Variants in ZNF571 observed in about 807,000 individuals in gnomAD.
ZNF571 encodes zinc finger protein 571.
Under a neutral mutation model 7.7 loss-of-function variants are expected in ZNF571, and 4 were observed. The observed-to-expected ratio is 0.52, with a 90% CI of 0.25 to 1.18. The LOEUF is 1.18. Ranked by LOEUF, ZNF571 falls within the 50% of genes most tolerant of loss-of-function variation. The pLI is 0.14. For synonymous variants in ZNF571, 251 were observed against 232.4 expected (o/e 1.08, Z -0.73); for missense variants, 704 against 726.9 (o/e 0.97, Z 0.36).
At chr19:37,590,416 C>CA (rs1468206022) in intron 1 of ZNF571, among the ~76,000 whole-genome samples, 1 of 138,114 alleles carries the variant, frequency 7.2e-6, no homozygotes, top group Non-Finnish European at 1.6e-5. Flanking sequence ...GGCTCCGTTT[C>CA]AAAAAAAAGA....
chr19:37,582,193 C>T (rs189604820), intron 3 of ZNF571, among the ~76,000 whole-genome samples: 4 of 152,276 alleles, frequency 2.6e-5, no homozygotes, highest in Admixed American at 2.0e-4. Context: ...TTCTTTCTCA[C>T]TCTCTTTTAA....
Position 37,565,034 on chromosome 19 carries a change from T to C in ZNF571, c.1394A>G (p.His465Arg), listed in dbSNP as rs763076083. 4 of 1,613,732 alleles carry C rather than the reference T, an allele frequency of 2.5e-6. No homozygotes were observed. Among genetic ancestry groups the C allele is most frequent in the Non-Finnish European group, 3.4e-6 (4 of 1,179,778 alleles). ...ATGTTTCTCACCATGAATTTTCTCA[T>C]GTTGAGTAAGATATGCAACACGAAT... ...AFIRVAYLTQ[H>R]EKIHGEKHYE... Residue 465 changes from histidine to arginine, a missense_variant, in exon 4 of 4, where the codon CAT becomes CGT. Transcript: ENST00000451802.
At chr19:37,574,677 C>A (rs1191045273) in intron 3 of ZNF571, among the ~76,000 whole-genome samples, 1 of 152,116 alleles carries the variant, frequency 6.6e-6, no homozygotes, top group African/African-American at 2.4e-5. Context: ...AACATAGCAC[C>A]AGTTTTAGTA....
At chr19:37,571,423 G>A (rs1369220973) in intron 3 of ZNF571, among the ~76,000 whole-genome samples, 1 of 150,874 alleles carries the variant, frequency 6.6e-6, no homozygotes, top group African/African-American at 2.4e-5. Flanking sequence ...CTGAACCCAG[G>A]AAGTGGAGGT....
At position 37,565,299 on chromosome 19, in the gene ZNF571, G is replaced by A; in HGVS notation, c.1129C>T (p.Gln377Ter). Reference protein sequence around the residue: ...ECGKTFFRGSQLTYHLRVHSG... With the variant: ...ECGKTFFRGS ...TGAACTCTCAGGTGGTAAGTAAGTT[G>A]TGAGCCACGAAAAAAGGTCTTCCCG... is the stretch of plus-strand genomic sequence containing the variant. The change falls in exon 4 of 4, where the codon CAA (glutamine) becomes TAA (stop). Residue 377 changes from glutamine to a stop codon, truncating the protein, a stop_gained. Coordinates refer to ENST00000451802, the MANE Select transcript of ZNF571 (RefSeq NM_016536.5). LOFTEE classifies it low-confidence loss of function (END_TRUNC). 1.2e-6 allele frequency: 2 copies of A among 1,610,954 alleles called. No individual in the cohort carries two copies. The highest frequency in any genetic ancestry group is 8.5e-7 in the Non-Finnish European group (1 of 1,178,592).
At chr19:37,566,526 G>A in intron 3 of ZNF571, 1 of 448,346 alleles carries the variant, frequency 2.2e-6, no homozygotes, top group Non-Finnish European at 3.9e-6. Context: ...CTCAAACTTT[G>A]GAATGGCTTA....
intron 2 of ZNF571, chr19:37,585,792 G>A (rs913856117): frequency 6.6e-6 from 1 of 152,190 alleles, no homozygotes; most frequent in African/African-American, 2.4e-5. Flanking sequence ...ATTAAATTAA[G>A]GATCTTGAGA....
At chr19:37,586,789 C>A in intron 1 of ZNF571, 44 bp from the exon 2 acceptor site, 2 of 1,156,332 alleles carry the variant, frequency 1.7e-6, no homozygotes, top group Non-Finnish European at 2.5e-6. Flanking sequence ...TGGCTCACAG[C>A]CCACAAAATA....
Position 37,564,764 on chromosome 19 carries a change from T to C in ZNF571, c.1664A>G (p.Glu555Gly), listed in dbSNP as rs1008817338. The change falls in exon 4 of 4, where the codon GAG (glutamate) becomes GGG (glycine). Residue 555 changes from glutamate (E) to glycine (G), a missense_variant. By Grantham distance (98) the Glu-to-Gly change is moderately conservative (BLOSUM62 -2). Coordinates refer to ENST00000451802, the MANE Select transcript of ZNF571 (RefSeq NM_016536.5). ...ACATTCCTTACATTCATAGGGTTTC[T>C]CTCCAGTATGAGTTCTCAGATGTTC... ...LTEHLRTHTG[E>G]KPYECKECGR... 5 of 1,613,714 alleles carry C rather than the reference T, an allele frequency of 3.1e-6. No homozygotes were observed. The African/African-American group carries it at 6.7e-5, about 22-fold the overall frequency.
chr19:37,568,286 G>A (rs1015611633), intron 3 of ZNF571, among the ~76,000 whole-genome samples: 3 of 150,238 alleles, frequency 2.0e-5, no homozygotes, highest in Non-Finnish European at 4.4e-5. Flanking sequence ...TTGCTGAAAA[G>A]CAAAAAGAAA....
chr19:37,584,331 G>A (rs1160764672), intron 2 of ZNF571, among the ~76,000 whole-genome samples: 1 of 152,164 alleles, frequency 6.6e-6, no homozygotes, highest in Non-Finnish European at 1.5e-5. Context: ...TAAAAAGCCA[G>A]ATGTGTGCAG....
intron 3 of ZNF571, among the ~76,000 whole-genome samples, chr19:37,574,090 G>A (rs1034457466): frequency 6.6e-6 from 1 of 152,066 alleles, no homozygotes; most frequent in Non-Finnish European, 1.5e-5. Flanking sequence ...TTCGTACCCT[G>A]AATGATGAAA....
rs186954235 is a variant in ZNF571 at position 37,582,563 on chromosome 19, A to G, written c.136+1408T>C. On this transcript the variant is annotated intron_variant, in intron 3 of 3. Transcript: ENST00000451802. ...GTTCCTCGGTACAGAGAGTAATCCC[A>G]TATTTATCTCTTCAGTCCTGACTAT... is the stretch of plus-strand genomic sequence containing the variant. 3.1e-3 allele frequency among the ~76,000 whole-genome samples: 470 copies of G among 152,262 alleles called. 1 individual carries two copies. The highest frequency in any genetic ancestry group is 9.3e-3 in the South Asian group (45 of 4,820).
chr19:37,589,946 A>G (rs1344791227), intron 1 of ZNF571, among the ~76,000 whole-genome samples: 1 of 151,562 alleles, frequency 6.6e-6, no homozygotes, highest in Non-Finnish European at 1.5e-5. Flanking sequence ...GGAACAATCT[A>G]CAAAATAACA....
chr19:37,568,122 TAACTGGATCAGCAGGCAC>T (rs1190258066), intron 3 of ZNF571, among the ~76,000 whole-genome samples: 1 of 152,144 alleles, frequency 6.6e-6, no homozygotes, highest in Non-Finnish European at 1.5e-5. Context: ...CTATCTGATG[TAACTGGATCAGCAGGCAC>T]AGGGTCTCTG....
intron 1 of ZNF571, chr19:37,594,455 T>G (rs552682960): frequency 6.6e-6 from 1 of 152,400 alleles, no homozygotes; most frequent in East Asian, 1.9e-4. Context: ...ATGGTGCCGA[T>G]TTTGTCCGCG....
rs2042784158 is a variant in ZNF571, at chr19:37,564,733, C to A, written c.1695G>T (p.Arg565Ser). The change falls in exon 4 of 4, where the codon AGG becomes AGT. Residue 565 changes from arginine to serine, a missense_variant. Physicochemically the swap from Arg to Ser is moderately radical, Grantham distance 110 (BLOSUM62 -1). Transcript: ENST00000451802. ...EKPYECKECG[R>S]AFSRGSELTL... ...TAAGTTCTGAGCCACGACTAAAGGC[C>A]CTCCCACATTCCTTACATTCATAGG... 4.3e-6 allele frequency: 7 copies of A among 1,613,556 alleles called. No homozygotes were observed. The highest frequency in any genetic ancestry group is 5.9e-6 in the Non-Finnish European group (7 of 1,179,642).
At chr19:37,567,592 A>G (rs1362758492) in intron 3 of ZNF571, 2 of 152,194 alleles carry the variant, frequency 1.3e-5, no homozygotes, top group Non-Finnish European at 2.9e-5. Flanking sequence ...AGTTCCAAGA[A>G]CATGTCAAAT....
intron 3 of ZNF571, chr19:37,567,641 G>A (rs2042907062): frequency 6.6e-6 from 1 of 152,086 alleles, no homozygotes; most frequent in South Asian, 2.1e-4. Context: ...TGTTCCATCT[G>A]CCAAGAATGC....
Sources: allele counts gnomAD v4.1 joint callset (sites outside exome capture counted in the v4.1 genomes callset), GRCh38; gene constraint gnomAD v4.1.1; transcripts MANE v1.5; gene names NCBI Gene and HGNC (gene_info 2026-07-23, HGNC 2026-07-21).